CHD2: variants seen among roughly 807,000 people sequenced by gnomAD.
CHD2 encodes chromodomain helicase DNA binding protein 2.
In CHD2, 28 loss-of-function variants were observed where a neutral mutation model predicts 243.9. The ratio of observed to expected loss-of-function variants is 0.11; its 90% CI spans 0.09 to 0.16. CHD2 has a LOEUF of 0.16. CHD2 is among the 10% of genes least tolerant of loss of function. The pLI, the probability that CHD2 is intolerant of heterozygous loss-of-function variation, is 1.00. For missense variants in CHD2, 1,386 were observed against 2,209.8 expected (o/e 0.63, Z 7.47); for synonymous variants, 775 against 779.0 (o/e 0.99, Z 0.09).
At chr15:92,919,339 A>T (rs539897233) in intron 2 of CHD2, among the ~76,000 whole-genome samples, 2 of 150,688 alleles carry the variant, frequency 1.3e-5, no homozygotes. Flanking sequence ...AGTTCCCCTC[A>T]TTAGTACTTG....
At chr15:93,002,053 T>A in intron 32 of CHD2, 124 bp from the exon 33 acceptor site, 10 of 1,327,778 alleles carry the variant, frequency 7.5e-6, no homozygotes, top group Non-Finnish European at 1.0e-5. Context: ...GGCTATTTGC[T>A]TGAAAACAAG....
At chr15:93,005,220 TC>T (rs1386399347) in intron 34 of CHD2, among the ~76,000 whole-genome samples, 2 of 152,136 alleles carry the variant, frequency 1.3e-5, no homozygotes, top group Admixed American at 6.5e-5. Context: ...ACTGTGGAGA[TC>T]CTGTGAGAAG....
chr15:92,993,477 A>G (rs1313898837), intron 28 of CHD2, among the ~76,000 whole-genome samples: 1 of 152,248 alleles, frequency 6.6e-6, no homozygotes, highest in East Asian at 1.9e-4. Flanking sequence ...TTTTCATGCC[A>G]CTAGAATTTG....
At chr15:92,929,202 C>T (rs1453337745) in intron 5 of CHD2, 111 bp downstream of exon 5, 7 of 980,756 alleles carry the variant, frequency 7.1e-6, no homozygotes, top group South Asian at 3.1e-5. Context: ...TAGTCTGCTT[C>T]TGTCTCTCTT....
intron 17 of CHD2, among the ~76,000 whole-genome samples, chr15:92,969,812 CTT>C (rs11297975): frequency 2.8e-4 from 37 of 132,552 alleles, no homozygotes; most frequent in Middle Eastern, 3.7e-3. Context: ...TTAAGATTTT[CTT>C]TTTTTTTTTT....
At chr15:92,919,339 ATTAGTACTTGTATTCAGTC>A (rs1343779574) in intron 2 of CHD2, among the ~76,000 whole-genome samples, 1 of 150,688 alleles carries the variant, frequency 6.6e-6, no homozygotes, top group Non-Finnish European at 1.5e-5. Flanking sequence ...AGTTCCCCTC[ATTAGTACTTGTATTCAGTC>A]TTACATCTGA....
In CHD2 at chr15:93,024,753, T is replaced by C. The variant is rs562822911; in HGVS notation, c.*48T>C. On this transcript the variant is annotated 3_prime_UTR_variant, in exon 39 of 39. Coordinates refer to ENST00000394196, the MANE Select transcript of CHD2 (RefSeq NM_001271.4). ...GTAAGAGTCACCAAACACGTGGATA[T>C]TTTTGGTCTGATCCTACAGTAGCCG... 7.2e-6 allele frequency: 11 copies of C among 1,518,976 alleles called. No homozygotes were observed. The highest frequency in any genetic ancestry group is 6.9e-5 in the African/African-American group (5 of 72,146). The allele number at this position is 1,518,976 out of a possible 1,614,324, so 94.1% of individuals were successfully genotyped here. A position where few individuals can be genotyped will look rare whatever the true frequency, so the allele number is the denominator to read the frequency against.
intron 3 of CHD2, among the ~76,000 whole-genome samples, chr15:92,926,423 C>T (rs2053063129): frequency 2.0e-5 from 3 of 152,192 alleles, no homozygotes; most frequent in South Asian, 2.1e-4. Flanking sequence ...ATTTCTGTTA[C>T]ACCTTTTCAT....
chr15:92,929,435 G>T (rs1281153813), intron 5 of CHD2, among the ~76,000 whole-genome samples: 1 of 152,090 alleles, frequency 6.6e-6, no homozygotes, highest in Non-Finnish European at 1.5e-5. Flanking sequence ...ATTGTAGTAA[G>T]CAAGGAACAA....
chr15:92,973,018 G>A (rs534262296), intron 19 of CHD2, among the ~76,000 whole-genome samples: 2 of 152,266 alleles, frequency 1.3e-5, no homozygotes, highest in South Asian at 4.1e-4. Flanking sequence ...ATGTCAGATG[G>A]CATCTTATTG....
chr15:92,918,794 G>A (rs915168791), intron 2 of CHD2, among the ~76,000 whole-genome samples: 9 of 150,860 alleles, frequency 6.0e-5, no homozygotes, highest in Non-Finnish European at 1.2e-4. Context: ...ACACATGTAC[G>A]CTATATATAC....
At chr15:92,967,545 G>GT in intron 17 of CHD2, 32 bp downstream of exon 17, 1 of 1,553,446 alleles carries the variant, frequency 6.4e-7, no homozygotes, top group Non-Finnish European at 8.9e-7. Flanking sequence ...GCCTGAAGGG[G>GT]TTGAGATCAG....
intron 38 of CHD2, chr15:93,022,090 A>G (rs994993861): frequency 3.9e-5 from 6 of 152,264 alleles, no homozygotes; most frequent in Non-Finnish European, 8.8e-5. Flanking sequence ...ATTGCACTCT[A>G]CCCAATTGCG....
chr15:92,999,184 A>T (rs942822486), intron 31 of CHD2, among the ~76,000 whole-genome samples: 11 of 151,812 alleles, frequency 7.2e-5, no homozygotes, highest in Non-Finnish European at 1.5e-4. Flanking sequence ...GTTGCTTCAA[A>T]TTCATCCTCT....
At chr15:92,956,687 T>A (rs560704868) in intron 16 of CHD2, 38 bp downstream of exon 16, 1 of 1,549,362 alleles carries the variant, frequency 6.5e-7, no homozygotes, top group African/African-American at 1.4e-5. Context: ...GATGCTAGAA[T>A]GTCTGAAATG....
At chr15:93,010,452 C>G (rs1567163025) in intron 35 of CHD2, among the ~76,000 whole-genome samples, 1 of 144,432 alleles carries the variant, frequency 6.9e-6, no homozygotes, top group African/African-American at 2.6e-5. Flanking sequence ...GAGTCTGACT[C>G]TTTCACTCTA....
chr15:92,985,623 G>T lies in CHD2; in HGVS notation c.3363G>T (p.Arg1121Ser). Residue 1121 changes from arginine (R) to serine (S), a missense_variant, in exon 26 of 39, where the codon AGG becomes AGT. This residue lies in a region of CHD2 where 18 missense variants were observed against 20.6 expected (regional missense o/e 0.88). Transcript: ENST00000394196. ...AGCCAAAGCGCAGAGGGCGTCCGAG[G>T]AGTGTGCGGAAGGACCTCGTGGAGG... is the stretch of plus-strand genomic sequence containing the variant. ...DKKPKRRGRP[R>S]SVRKDLVEGF... 6.2e-7 allele frequency: 1 copy of T among 1,613,810 alleles called. No individual in the cohort carries two copies. Among genetic ancestry groups the T allele is most frequent in the South Asian group, 1.1e-5 (1 of 91,080 alleles).
chr15:92,901,331 T>C, intron 2 of CHD2, 32 bp downstream of exon 2: 1 of 1,303,200 alleles, frequency 7.7e-7, no homozygotes, highest in Non-Finnish European at 1.1e-6. Context: ...CCTTTTTGTC[T>C]TTTTTTTTGG....
At chr15:92,916,657 G>A (rs1004542649) in intron 2 of CHD2, among the ~76,000 whole-genome samples, 1 of 152,136 alleles carries the variant, frequency 6.6e-6, no homozygotes, top group African/African-American at 2.4e-5. Context: ...ACGTTCAAGC[G>A]ATTCTCCTAC....
Sources: allele counts gnomAD v4.1 joint callset (sites outside exome capture counted in the v4.1 genomes callset), GRCh38; gene constraint gnomAD v4.1.1; regional missense constraint gnomAD v4.1.1; transcripts MANE v1.5; gene names NCBI Gene and HGNC (gene_info 2026-07-23, HGNC 2026-07-21).